Variants in OCA2 observed in about 807,000 individuals in gnomAD.
OCA2 encodes the protein P protein.
OCA2 carries 77 observed loss-of-function variants against 100.2 expected under a neutral mutation model. The ratio of observed to expected loss-of-function variants is 0.77; its 90% CI spans 0.64 to 0.93. The LOEUF (loss-of-function observed/expected upper bound fraction) is 0.93. Among genes scored for constraint, OCA2 ranks in the 40% least tolerant of loss-of-function variants. OCA2 has a pLI of 0.00. For synonymous variants in OCA2, 432 were observed against 439.2 expected, an observed-to-expected ratio of 0.98 and a Z score of 0.21; for missense variants, 1,062 against 1,089.1, an observed-to-expected ratio of 0.98 and a Z score of 0.35.
chr15:27,989,543 G>C, intron 11 of OCA2, 58 bp downstream of exon 11: 1 of 1,444,358 alleles, frequency 6.9e-7, no homozygotes, highest in Non-Finnish European at 9.7e-7. Context: ...GTGGAGGCCA[G>C]AGAAGGCCCG....
chr15:28,016,325 T>A lies in OCA2; in HGVS notation c.808-139A>T, dbSNP rs138529211. 230 of 734,070 alleles carry A rather than the reference T, an allele frequency of 3.1e-4. 1 individual carries two copies. The East Asian group carries it at 5.9e-3, about 19-fold the overall frequency. 45.5% of individuals were successfully genotyped at this position (734,070 alleles called of 1,614,324 possible). A position where few individuals can be genotyped will look rare whatever the true frequency, so the allele number is the denominator to read the frequency against. On this transcript the variant is annotated intron_variant, in intron 7 of 23. Coordinates refer to ENST00000354638, the MANE Select transcript of OCA2 (RefSeq NM_000275.3). Reference sequence around the variant, plus strand: ...AACAGGAGAGCATCTTTATTTGAGCTCTCACATCTCTGATGTTAGGAGCTA... The same window carrying A: ...AACAGGAGAGCATCTTTATTTGAGCACTCACATCTCTGATGTTAGGAGCTA...
At chr15:27,889,743 T>C (rs1430228068) in intron 19 of OCA2, among the ~76,000 whole-genome samples, 2 of 152,178 alleles carry the variant, frequency 1.3e-5, no homozygotes, top group African/African-American at 2.4e-5. Flanking sequence ...GGATGTGCCA[T>C]CCAGGAGGGA....
intron 9 of OCA2, among the ~76,000 whole-genome samples, chr15:28,005,962 C>T (rs966458295): frequency 1.3e-5 from 2 of 152,280 alleles, no homozygotes; most frequent in Middle Eastern, 3.4e-3. Context: ...CCTTGAGAAG[C>T]GCCACACCCT....
At chr15:28,054,021 T>C (rs575411113) in intron 2 of OCA2, among the ~76,000 whole-genome samples, 43 of 152,338 alleles carry the variant, frequency 2.8e-4, no homozygotes, top group South Asian at 6.2e-4. Flanking sequence ...TGTAAATGTG[T>C]ATATATGTAT....
chr15:27,847,157 C>T (rs1336242414), intron 22 of OCA2, among the ~76,000 whole-genome samples: 1 of 152,192 alleles, frequency 6.6e-6, no homozygotes, highest in Non-Finnish European at 1.5e-5. Flanking sequence ...GGCAGGACAT[C>T]AACTCGTTAA....
At chr15:27,885,975 T>C (rs1229024806) in intron 19 of OCA2, among the ~76,000 whole-genome samples, 1 of 152,182 alleles carries the variant, frequency 6.6e-6, no homozygotes, top group Non-Finnish European at 1.5e-5. Flanking sequence ...CACAGGAAAG[T>C]AGTCAGCAAT....
At chr15:27,923,084 G>A (rs2038925224) in intron 19 of OCA2, among the ~76,000 whole-genome samples, 1 of 152,096 alleles carries the variant, frequency 6.6e-6, no homozygotes, top group African/African-American at 2.4e-5. Context: ...CTGTTCCTGT[G>A]TTAGTTTGCT....
chr15:27,731,216 A>G, the OCA2 span, among the ~76,000 whole-genome samples: 1,193 of 152,330 alleles, frequency 7.8e-3, 14 homozygotes, highest in African/African-American at 0.027. Context: ...TCAAAAAGCA[A>G]TGATGGCTTT....
chr15:28,053,144 T>C (rs912015939), intron 2 of OCA2, among the ~76,000 whole-genome samples: 2 of 152,218 alleles, frequency 1.3e-5, no homozygotes, highest in African/African-American at 4.8e-5. Flanking sequence ...ACTATACTGA[T>C]ATCAGAAAAT....
At chr15:28,014,984 C>A in intron 8 of OCA2, 55 bp from the exon 9 acceptor site, 1 of 1,555,402 alleles carries the variant, frequency 6.4e-7, no homozygotes, top group Non-Finnish European at 8.9e-7. Context: ...TAGGGGACCT[C>A]CCTCTGTATC....
intron 18 of OCA2, among the ~76,000 whole-genome samples, chr15:27,933,395 A>G (rs1475553928): frequency 6.6e-6 from 1 of 150,682 alleles, no homozygotes; most frequent in Non-Finnish European, 1.5e-5. Flanking sequence ...AAATGGAGTC[A>G]TTGCTTAATG....
chr15:27,735,552 C>T, the OCA2 span, among the ~76,000 whole-genome samples: 1 of 151,826 alleles, frequency 6.6e-6, no homozygotes, highest in East Asian at 1.9e-4. Context: ...AAGACAAACC[C>T]AGGACATATT....
intron 23 of OCA2, among the ~76,000 whole-genome samples, chr15:27,774,738 G>C (rs536390443): frequency 6.6e-6 from 1 of 152,170 alleles, no homozygotes; most frequent in Admixed American, 6.5e-5. Context: ...CCCCAATCCG[G>C]GAAAACAGGT....
At chr15:28,038,198 G>T (rs2043102375) in intron 2 of OCA2, among the ~76,000 whole-genome samples, 1 of 152,170 alleles carries the variant, frequency 6.6e-6, no homozygotes, top group Admixed American at 6.5e-5. Context: ...CTAGCAGGCA[G>T]TGGTAAGGCT....
chr15:27,786,484 A>C (rs2032821878), intron 23 of OCA2, among the ~76,000 whole-genome samples: 1 of 152,158 alleles, frequency 6.6e-6, no homozygotes. Flanking sequence ...CGTTGTTTGC[A>C]GTGTACATGT....
At chr15:27,741,029 G>A in the OCA2 span, among the ~76,000 whole-genome samples, 1 of 152,236 alleles carries the variant, frequency 6.6e-6, no homozygotes, top group African/African-American at 2.4e-5. Context: ...CAGAGCTGTG[G>A]ATAACAGCAG....
Position 27,755,490 on chromosome 15 carries a change from A to C in OCA2, c.2433-18T>G, listed in dbSNP as rs2030276829. On this transcript the variant is annotated intron_variant, in intron 23 of 23. Coordinates refer to ENST00000354638, the MANE Select transcript of OCA2 (RefSeq NM_000275.3). ...AGCCCAGCCTGAAATACAAAGAGAA[A>C]TGAGTTATGGCATCTGAAATCTGGA... 6.3e-7 allele frequency: 1 copy of C among 1,594,326 alleles called. No homozygotes were observed. The highest frequency in any genetic ancestry group is 8.6e-7 in the Non-Finnish European group (1 of 1,162,032).
chr15:27,731,806 G>A, the OCA2 span, among the ~76,000 whole-genome samples: 1 of 152,156 alleles, frequency 6.6e-6, no homozygotes, highest in African/African-American at 2.4e-5. Flanking sequence ...AATTCTGAGG[G>A]CATATTTAAA....
At chr15:27,996,667 T>C (rs1205454231) in intron 9 of OCA2, among the ~76,000 whole-genome samples, 2 of 151,858 alleles carry the variant, frequency 1.3e-5, no homozygotes, top group Non-Finnish European at 1.5e-5. Context: ...ATCATAAGAT[T>C]ACATGCCTAC....
Sources: gnomAD v4.1 joint callset for allele counts (sites outside exome capture counted in the v4.1 genomes callset) on GRCh38, gnomAD v4.1.1 for gene constraint, MANE v1.5 for transcripts, NCBI Gene and HGNC (gene_info 2026-07-23, HGNC 2026-07-21) for gene names.